EPB41L3: variants seen among roughly 807,000 people sequenced by gnomAD.
The protein encoded by EPB41L3 is erythrocyte membrane protein band 4.1 like 3.
EPB41L3 carries 57 observed loss-of-function variants against 127.1 expected under a neutral mutation model. The observed-to-expected ratio is 0.45, with a 90% CI of 0.36 to 0.56. The LOEUF is 0.56. Ranked by LOEUF, EPB41L3 falls within the 20% of genes least tolerant of loss-of-function variation. The pLI, the probability that EPB41L3 is intolerant of heterozygous loss-of-function variation, is 0.00. For missense variants in EPB41L3, 1,273 were observed against 1,372.2 expected (o/e 0.93, Z 1.14); for synonymous variants, 572 against 549.5 (o/e 1.04, Z -0.57).
In EPB41L3 at chr18:5,569,187, C is replaced by T. The variant is rs145342929; in HGVS notation, c.-306+43153G>A. Among the ~76,000 whole-genome samples, 432 of 152,304 alleles carry T rather than the reference C, an allele frequency of 2.8e-3. 2 individuals are homozygous for T. Among genetic ancestry groups the T allele is most frequent in the Non-Finnish European group, 4.7e-3 (320 of 68,020 alleles). Reference sequence around the variant, plus strand: ...AACAAAACAAAACAGTAACATTAAACTCCCTTTTGGTAAATAGAACATTTT... The same window carrying T: ...AACAAAACAAAACAGTAACATTAAATTCCCTTTTGGTAAATAGAACATTTT... On this transcript the variant is annotated intron_variant, in intron 3 of 21. Coordinates refer to the EPB41L3 transcript ENST00000545076.
At chr18:5,417,976 G>A (rs758351182) in intron 12 of EPB41L3, among the ~76,000 whole-genome samples, 1 of 152,206 alleles carries the variant, frequency 6.6e-6, no homozygotes, top group African/African-American at 2.4e-5. Flanking sequence ...TAGGGGACCA[G>A]CCTTTCAAGA....
At chr18:5,497,605 T>C (rs1441943429) in intron 1 of EPB41L3, among the ~76,000 whole-genome samples, 2 of 152,144 alleles carry the variant, frequency 1.3e-5, no homozygotes, top group African/African-American at 4.8e-5. Context: ...CAAACAAGCG[T>C]CAAGTTTCAA....
chr18:5,498,574 A>G (rs2091411053), intron 1 of EPB41L3, among the ~76,000 whole-genome samples: 1 of 125,234 alleles, frequency 8.0e-6, no homozygotes. Flanking sequence ...TGCCTGGGTA[A>G]CAAGAGCGAG....
At chr18:5,546,213 G>C (rs926198639), upstream of EPB41L3, among the ~76,000 whole-genome samples, 20 of 152,142 alleles carry the variant, frequency 1.3e-4, no homozygotes, top group African/African-American at 3.6e-4. Context: ...AAAAATGTTA[G>C]ACAACTAAGT....
chr18:5,489,087 C>G lies in EPB41L3; in HGVS notation c.97G>C (p.Val33Leu). 2 of 1,593,692 alleles carry G rather than the reference C, an allele frequency of 1.3e-6. No individual in the cohort carries two copies. The highest frequency in any genetic ancestry group is 1.7e-6 in the Non-Finnish European group (2 of 1,173,962). ...AGAQGRAGAP[V>L]PEPPKEEQQQ... Reference sequence around the variant, plus strand: ...TGCTCCTCCTTGGGCGGCTCCGGCACGGGCGCCCCCGCGCGCCCCTGCGCC... The same window carrying G: ...TGCTCCTCCTTGGGCGGCTCCGGCAGGGGCGCCCCCGCGCGCCCCTGCGCC... Residue 33 changes from valine (V) to leucine (L), a missense_variant, in exon 2 of 23, where the codon GTG becomes CTG. Coordinates refer to ENST00000341928, the MANE Select transcript of EPB41L3 (RefSeq NM_012307.5).
At chr18:5,400,416 A>G (rs2074310087) in intron 16 of EPB41L3, 1 of 383,978 alleles carries the variant, frequency 2.6e-6, no homozygotes, top group South Asian at 1.9e-5. Context: ...AAATCTAGAA[A>G]TACGTGTGCC....
At chr18:5,476,773 C>G (rs1483248036) in intron 3 of EPB41L3, among the ~76,000 whole-genome samples, 1 of 152,144 alleles carries the variant, frequency 6.6e-6, no homozygotes, top group Admixed American at 6.5e-5. Flanking sequence ...TAAAACCCAG[C>G]TAGAAGTATA....
intron 1 of EPB41L3, among the ~76,000 whole-genome samples, chr18:5,524,782 G>A (rs1719952): frequency 0.2 from 29,797 of 152,068 alleles, 3,057 homozygotes; most frequent in African/African-American, 0.23. Flanking sequence ...TGGAGCTAGC[G>A]TGGATCACAT....
chr18:5,496,422 A>G (rs1331335138), intron 1 of EPB41L3, among the ~76,000 whole-genome samples: 2 of 152,250 alleles, frequency 1.3e-5, no homozygotes, highest in Admixed American at 6.5e-5. Context: ...TACTCAAGGA[A>G]GGGGACCTAT....
intron 1 of EPB41L3, among the ~76,000 whole-genome samples, chr18:5,525,434 A>G (rs2093182941): frequency 6.6e-6 from 1 of 152,252 alleles, no homozygotes; most frequent in African/African-American, 2.4e-5. Context: ...TAATATGCAC[A>G]TAAACATCAC....
chr18:5,609,799 T>C (rs1422289715), intron 3 of EPB41L3, among the ~76,000 whole-genome samples: 1 of 109,064 alleles, frequency 9.2e-6, no homozygotes. Flanking sequence ...GAAAACACAG[T>C]GTCAAGACAT....
At chr18:5,540,309 C>G (rs1301664355) in intron 1 of EPB41L3, 1 of 974,682 alleles carries the variant, frequency 1.0e-6, no homozygotes, top group Non-Finnish European at 1.2e-6. Context: ...GTCTTATATT[C>G]ATTTACACCT....
intron 3 of EPB41L3, among the ~76,000 whole-genome samples, chr18:5,579,752 G>A (rs1487903784): frequency 6.6e-6 from 1 of 152,178 alleles, no homozygotes; most frequent in Non-Finnish European, 1.5e-5. Context: ...ATCTGACAGA[G>A]ACTTCTGGGC....
intron 3 of EPB41L3, among the ~76,000 whole-genome samples, chr18:5,550,824 C>T (rs1468103404): frequency 1.3e-5 from 2 of 152,162 alleles, no homozygotes; most frequent in Non-Finnish European, 2.9e-5. Context: ...AAGGAACACT[C>T]ATGTACATAT....
chr18:5,605,064 A>T (rs2094635081), intron 3 of EPB41L3, among the ~76,000 whole-genome samples: 1 of 151,912 alleles, frequency 6.6e-6, no homozygotes, highest in Non-Finnish European at 1.5e-5. Context: ...GAGGGCCAAC[A>T]TCCAAAATGA....
chr18:5,421,575 G>A (rs2077476761), intron 11 of EPB41L3, among the ~76,000 whole-genome samples: 1 of 152,092 alleles, frequency 6.6e-6, no homozygotes, highest in Non-Finnish European at 1.5e-5. Context: ...GCTCACAAAA[G>A]CCTGTAAGAA....
intron 10 of EPB41L3, 120 bp downstream of exon 10, chr18:5,424,142 G>T: frequency 1.5e-6 from 1 of 662,432 alleles, no homozygotes. Flanking sequence ...CAAGAAATAT[G>T]GTGACAATGA....
upstream of EPB41L3, chr18:5,544,191 C>G (rs1791980237): frequency 1.4e-5 from 14 of 985,430 alleles, no homozygotes; most frequent in Non-Finnish European, 1.7e-5. Context: ...AGGACAGTTA[C>G]ATGGGCACAG....
chr18:5,619,169 G>T (rs900600185), intron 1 of EPB41L3, among the ~76,000 whole-genome samples: 11 of 152,180 alleles, frequency 7.2e-5, no homozygotes, highest in Middle Eastern at 3.4e-3. Flanking sequence ...TGGGGTGGGG[G>T]CAGGGAAGGT....
Sources: allele counts gnomAD v4.1 joint callset (sites outside exome capture counted in the v4.1 genomes callset), GRCh38; gene constraint gnomAD v4.1.1; transcripts MANE v1.5; gene names NCBI Gene and HGNC (gene_info 2026-07-23, HGNC 2026-07-21).